Variants in CSNK1G1 observed in about 807,000 individuals in gnomAD.
The protein encoded by CSNK1G1 is casein kinase 1 gamma 1.
A neutral mutation model predicts 59.6 loss-of-function variants in CSNK1G1; 22 were observed. That is an observed-to-expected ratio of 0.37 (90% confidence interval 0.26 to 0.53). The LOEUF is 0.53. Ranked by LOEUF, CSNK1G1 falls within the 20% of genes least tolerant of loss-of-function variation. The pLI, the probability that CSNK1G1 is intolerant of heterozygous loss-of-function variation, is 0.89. For missense variants in CSNK1G1, 384 were observed against 519.5 expected (o/e 0.74, Z 2.54); for synonymous variants, 179 against 177.1 (o/e 1.01, Z -0.08).
intron 1 of CSNK1G1, among the ~76,000 whole-genome samples, chr15:64,330,792 A>C (rs1336997089): frequency 3.9e-4 from 13 of 33,756 alleles, no homozygotes; most frequent in Admixed American, 9.8e-4. Flanking sequence ...GTCTCAGCCC[A>C]AAATCTCCTT....
intron 4 of CSNK1G1, among the ~76,000 whole-genome samples, chr15:64,227,024 C>T (rs924700758): frequency 1.3e-5 from 2 of 152,170 alleles, no homozygotes; most frequent in Admixed American, 1.3e-4. Flanking sequence ...TATGTCAGCA[C>T]CTAGCACTGG....
At chr15:64,236,910 T>A (rs1446443840) in intron 4 of CSNK1G1, among the ~76,000 whole-genome samples, 1 of 152,132 alleles carries the variant, frequency 6.6e-6, no homozygotes, top group Non-Finnish European at 1.5e-5. Flanking sequence ...AATGGATGAA[T>A]CAATAAAGAA....
chr15:64,198,453 G>A (rs1395339156), intron 10 of CSNK1G1, among the ~76,000 whole-genome samples: 13 of 151,804 alleles, frequency 8.6e-5, no homozygotes, highest in Non-Finnish European at 1.6e-4. Context: ...TTATCCACCC[G>A]CCTCAGCCTT....
chr15:64,215,887 A>G (rs2082305852), intron 5 of CSNK1G1, among the ~76,000 whole-genome samples: 1 of 152,196 alleles, frequency 6.6e-6, no homozygotes, highest in South Asian at 2.1e-4. Flanking sequence ...TCTTGGTTGC[A>G]ACAGTGAAGG....
chr15:64,288,769 T>C (rs1894570169), intron 2 of CSNK1G1, among the ~76,000 whole-genome samples: 1 of 152,158 alleles, frequency 6.6e-6, no homozygotes, highest in African/African-American at 2.4e-5. Context: ...CAGACAGTTT[T>C]TTCCTTAGGA....
intron 4 of CSNK1G1, among the ~76,000 whole-genome samples, chr15:64,218,613 T>C (rs1333798416): frequency 1.3e-5 from 2 of 152,034 alleles, no homozygotes; most frequent in Admixed American, 1.3e-4. Flanking sequence ...GCTCTCGAAC[T>C]CCCGACTTCA....
chr15:64,287,762 CTA>C (rs776686860), intron 2 of CSNK1G1, among the ~76,000 whole-genome samples: 5 of 152,282 alleles, frequency 3.3e-5, no homozygotes, highest in South Asian at 2.1e-4. Flanking sequence ...CCGCACATTT[CTA>C]TATGTTACCA....
At chr15:64,329,072 A>G (rs1458307685) in intron 1 of CSNK1G1, among the ~76,000 whole-genome samples, 4 of 150,346 alleles carry the variant, frequency 2.7e-5, no homozygotes, top group Admixed American at 2.0e-4. Context: ...CACATTAATA[A>G]TGGGAGACTT....
rs564540031 is a variant in CSNK1G1, at chr15:64,205,130, A to T, written c.766-181T>A. Among the ~76,000 whole-genome samples the T allele has an allele frequency of 1.3e-5, 2 of 152,372 alleles. 1 individual carries two copies. Among genetic ancestry groups the T allele is most frequent in the South Asian group, 4.1e-4 (2 of 4,832 alleles). ...ATTATATATTTAGATATATACAAACATCTGCTGTGTTCTGGAAAATTTTAC... is the reference window on the plus strand; with the variant it reads ...ATTATATATTTAGATATATACAAACTTCTGCTGTGTTCTGGAAAATTTTAC... On this transcript the variant is annotated intron_variant, in intron 7 of 11. Coordinates refer to ENST00000303052, the MANE Select transcript of CSNK1G1 (RefSeq NM_022048.5).
rs59936401 is a variant in CSNK1G1, at chr15:64,259,483, TACACACACAC to T, written c.182-252_182-243del. ...CCTAAAAGAGAAAACAAATCTCTCTTACACACACACACACACACACACACACACACACACA... is the reference window on the plus strand; with the variant it reads ...CCTAAAAGAGAAAACAAATCTCTCTTACACACACACACACACACACACACA... On this transcript the variant is annotated intron_variant, in intron 2 of 11. Transcript: ENST00000303052. Among the ~76,000 whole-genome samples, 1,312 of 139,804 alleles carry T rather than the reference TACACACACAC, an allele frequency of 9.4e-3. 17 individuals carry two copies. Among genetic ancestry groups the T allele is most frequent in the African/African-American group, 0.029 (1,109 of 38,490 alleles). 91.7% of individuals were successfully genotyped at this position (139,804 alleles called of 152,430 possible).
intron 4 of CSNK1G1, among the ~76,000 whole-genome samples, chr15:64,236,142 C>CAAA (rs532663571): frequency 3.4e-4 from 23 of 67,990 alleles, no homozygotes; most frequent in South Asian, 1.1e-3. Flanking sequence ...GACTCCATCT[C>CAAA]AAAAAAAAAA....
At chr15:64,247,969 T>G (rs761334599) in intron 4 of CSNK1G1, among the ~76,000 whole-genome samples, 1 of 152,244 alleles carries the variant, frequency 6.6e-6, no homozygotes, top group African/African-American at 2.4e-5. Context: ...TAAGTATTCA[T>G]TGTCAGGAAA....
chr15:64,326,071 C>A (rs533460406), intron 1 of CSNK1G1, among the ~76,000 whole-genome samples: 1 of 152,358 alleles, frequency 6.6e-6, no homozygotes, highest in African/African-American at 2.4e-5. Context: ...GTCACCCAGG[C>A]TAGAGCGAAG....
intron 4 of CSNK1G1, among the ~76,000 whole-genome samples, chr15:64,226,585 A>AAACAAACC (rs2082466134): frequency 7.1e-6 from 1 of 141,410 alleles, no homozygotes; most frequent in South Asian, 2.2e-4. Context: ...CAAACAAACC[A>AAACAAACC]AAAAAAAAAA....
chr15:64,172,836 C>T (rs1358624623), intron 11 of CSNK1G1, among the ~76,000 whole-genome samples: 1 of 152,228 alleles, frequency 6.6e-6, no homozygotes, highest in Non-Finnish European at 1.5e-5. Context: ...AGCCACAGTT[C>T]TGGCACATCC....
chr15:64,301,655 A>C (rs1032069234), intron 1 of CSNK1G1, among the ~76,000 whole-genome samples: 6 of 152,250 alleles, frequency 3.9e-5, no homozygotes, highest in African/African-American at 9.6e-5. Flanking sequence ...TGGGAGGCCA[A>C]GGCAGGCAGA....
intron 2 of CSNK1G1, among the ~76,000 whole-genome samples, chr15:64,260,178 G>C (rs1377830805): frequency 6.6e-6 from 1 of 152,186 alleles, no homozygotes; most frequent in Non-Finnish European, 1.5e-5. Flanking sequence ...TATCCAGCTA[G>C]AGTGTAAATA....
chr15:64,242,054 T>C (rs1401029632), intron 4 of CSNK1G1, among the ~76,000 whole-genome samples: 1 of 151,834 alleles, frequency 6.6e-6, no homozygotes, highest in African/African-American at 2.4e-5. Context: ...ATACAAAGAA[T>C]CATTAGAGAC....
intron 10 of CSNK1G1, among the ~76,000 whole-genome samples, chr15:64,191,084 T>G (rs978499531): frequency 6.6e-6 from 1 of 152,146 alleles, no homozygotes; most frequent in Admixed American, 6.6e-5. Flanking sequence ...GTTTTTGAGA[T>G]GGAGTCTTGC....
Sources: gnomAD v4.1 joint callset for allele counts (sites outside exome capture counted in the v4.1 genomes callset) on GRCh38, gnomAD v4.1.1 for gene constraint, MANE v1.5 for transcripts, NCBI Gene and HGNC (gene_info 2026-07-23, HGNC 2026-07-21) for gene names.